Variants in KAT2B observed in about 807,000 individuals in gnomAD.
KAT2B encodes the protein histone acetyltransferase KAT2B.
Under a neutral mutation model 105.9 loss-of-function variants are expected in KAT2B, and 36 were observed. The ratio of observed to expected loss-of-function variants is 0.34; its 90% CI spans 0.26 to 0.45. The LOEUF (loss-of-function observed/expected upper bound fraction) is 0.45. Among genes scored for constraint, KAT2B ranks in the 20% least tolerant of loss-of-function variants. KAT2B has a pLI of 1.00. For synonymous variants in KAT2B, 397 were observed against 377.9 expected (o/e 1.05, Z -0.59); for missense variants, 820 against 1,021.6 (o/e 0.80, Z 2.69).
At chr3:20,062,207 T>TA (rs1698136860) in intron 1 of KAT2B, among the ~76,000 whole-genome samples, 1 of 66,824 alleles carries the variant, frequency 1.5e-5, no homozygotes, top group Non-Finnish European at 2.7e-5. Flanking sequence ...ATATTTTATA[T>TA]AAAATATATT....
rs555972995 is a variant in KAT2B, at chr3:20,049,007, C to G, written c.303+8227C>G. On this transcript the variant is annotated intron_variant, in intron 1 of 17. Coordinates refer to ENST00000263754, the MANE Select transcript of KAT2B (RefSeq NM_003884.5). ...CTTCCGAGTAGTTGAGACTACAGGCCCCCGCCACCACGCCCGGCTAATTTT... is the reference window on the plus strand; with the variant it reads ...CTTCCGAGTAGTTGAGACTACAGGCGCCCGCCACCACGCCCGGCTAATTTT... Among the ~76,000 whole-genome samples, 4 of 152,042 alleles carry G rather than the reference C, an allele frequency of 2.6e-5. No homozygotes were observed. The East Asian group carries it at 7.8e-4, about 30-fold the overall frequency.
intron 2 of KAT2B, among the ~76,000 whole-genome samples, chr3:20,088,288 C>T (rs76961364): frequency 0.017 from 2,513 of 152,246 alleles, 77 homozygotes; most frequent in African/African-American, 0.057. Context: ...ATTGCTGGGT[C>T]AGGTCATATG....
chr3:20,120,371 G>A (rs1020716577), intron 8 of KAT2B, among the ~76,000 whole-genome samples: 8 of 152,070 alleles, frequency 5.3e-5, no homozygotes, highest in Non-Finnish European at 8.8e-5. Context: ...GGGATTACAG[G>A]TGCCCACCAT....
intron 1 of KAT2B, among the ~76,000 whole-genome samples, chr3:20,062,107 T>TAAAAC (rs1698126847): frequency 4.0e-5 from 4 of 99,676 alleles, no homozygotes; most frequent in Admixed American, 1.5e-4. Flanking sequence ...ACATATAATA[T>TAAAAC]ATATTATATA....
chr3:20,068,057 C>T (rs963132435), intron 1 of KAT2B, among the ~76,000 whole-genome samples: 14 of 134,946 alleles, frequency 1.0e-4, no homozygotes, highest in South Asian at 2.5e-4. Flanking sequence ...ACTGCAGTGG[C>T]GCAATCTTGG....
chr3:20,096,291 A>G (rs575518014), intron 3 of KAT2B, among the ~76,000 whole-genome samples: 3 of 152,216 alleles, frequency 2.0e-5, no homozygotes, highest in East Asian at 1.9e-4. Flanking sequence ...CACTAGTTCT[A>G]CCTCAGCTCC....
intron 1 of KAT2B, among the ~76,000 whole-genome samples, chr3:20,057,140 G>A (rs987353677): frequency 3.3e-5 from 5 of 152,148 alleles, no homozygotes; most frequent in Admixed American, 3.3e-4. Context: ...TTTGAAAGAA[G>A]AATCAGGTGG....
At chr3:20,088,413 A>G (rs1575125907) in intron 2 of KAT2B, among the ~76,000 whole-genome samples, 1 of 152,248 alleles carries the variant, frequency 6.6e-6, no homozygotes, top group East Asian at 1.9e-4. Context: ...ATTCTTGCCA[A>G]CACTCATCTT....
chr3:20,130,090 G>A (rs1275568675), intron 11 of KAT2B, among the ~76,000 whole-genome samples: 1 of 152,070 alleles, frequency 6.6e-6, no homozygotes. Context: ...TGATTCTTAT[G>A]CCACAGCCAC....
intron 7 of KAT2B, among the ~76,000 whole-genome samples, chr3:20,115,619 C>T (rs933477568): frequency 6.6e-6 from 1 of 152,154 alleles, no homozygotes; most frequent in Non-Finnish European, 1.5e-5. Context: ...GCTTTAAAAA[C>T]AAAATTGAAG....
intron 11 of KAT2B, among the ~76,000 whole-genome samples, chr3:20,132,891 A>G (rs1699535229): frequency 6.6e-6 from 1 of 152,210 alleles, no homozygotes; most frequent in African/African-American, 2.4e-5. Flanking sequence ...GGTGCATACA[A>G]CAATCTCTCT....
chr3:20,062,190 A>AT (rs1698134199), intron 1 of KAT2B, among the ~76,000 whole-genome samples: 1 of 40,212 alleles, frequency 2.5e-5, no homozygotes, highest in East Asian at 7.7e-4. Context: ...TAATATATAA[A>AT]ATATATATAT....
chr3:20,118,941 T>C (rs796882439), intron 7 of KAT2B, among the ~76,000 whole-genome samples: 1 of 152,034 alleles, frequency 6.6e-6, no homozygotes, highest in African/African-American at 2.4e-5. Context: ...AACATTGATA[T>C]AGTATAGTTA....
chr3:20,103,330 A>G, intron 5 of KAT2B, among the ~76,000 whole-genome samples: 1 of 152,240 alleles, frequency 6.6e-6, no homozygotes, highest in Non-Finnish European at 1.5e-5. Flanking sequence ...CTTTTAGCAG[A>G]GAAAATAATC....
At chr3:20,085,577 T>C (rs2125189937) in intron 2 of KAT2B, among the ~76,000 whole-genome samples, 1 of 151,814 alleles carries the variant, frequency 6.6e-6, no homozygotes, top group East Asian at 1.9e-4. Flanking sequence ...GTGGTGCAAT[T>C]TTGGCTCACT....
chr3:20,076,624 C>T (rs1036279780), intron 2 of KAT2B, among the ~76,000 whole-genome samples: 3 of 152,226 alleles, frequency 2.0e-5, no homozygotes, highest in African/African-American at 7.2e-5. Flanking sequence ...GCACCCAGCT[C>T]TAATGATTAT....
rs909777912 is a variant in KAT2B, at chr3:20,072,193, C to T, written c.304-140C>T. ...TACCACCTTTGGGTTTTCTGTTTTT[C>T]TCTTGTGTATATGGCAGACGACAAA... On this transcript the variant is annotated intron_variant, in intron 1 of 17. Transcript: ENST00000263754. The T allele has an allele frequency of 3.8e-4, 317 of 830,660 alleles. 4 individuals carry two copies. The Middle Eastern group carries it at 5.7e-3, about 15-fold the overall frequency. The allele number at this position is 830,660 out of a possible 1,614,324, so 51.5% of individuals were successfully genotyped here.
chr3:20,077,973 G>A (rs1172135662), intron 2 of KAT2B, among the ~76,000 whole-genome samples: 2 of 152,058 alleles, frequency 1.3e-5, no homozygotes, highest in East Asian at 1.9e-4. Context: ...CCAGGAATTC[G>A]AGACCATCTT....
At chr3:20,131,826 A>T (rs1699516220) in intron 11 of KAT2B, among the ~76,000 whole-genome samples, 1 of 152,238 alleles carries the variant, frequency 6.6e-6, no homozygotes, top group Admixed American at 6.5e-5. Context: ...GGCCCCCCAA[A>T]GTGCTGAGAT....
Sources: allele counts gnomAD v4.1 joint callset (sites outside exome capture counted in the v4.1 genomes callset), GRCh38; gene constraint gnomAD v4.1.1; transcripts MANE v1.5; gene names NCBI Gene and HGNC (gene_info 2026-07-23, HGNC 2026-07-21).